Variants in ATG7 observed in about 807,000 individuals in gnomAD.
ATG7 encodes the protein autophagy related 7, also known as ubiquitin-like modifier-activating enzyme ATG7.
A neutral mutation model predicts 82.4 loss-of-function variants in ATG7; 70 were observed. That is an observed-to-expected ratio of 0.85 (90% CI 0.70 to 1.04). The LOEUF (loss-of-function observed/expected upper bound fraction) is 1.04. Among genes scored for constraint, ATG7 ranks in the 50% least tolerant of loss-of-function variants. The pLI is 0.00. For synonymous variants in ATG7, 287 were observed against 313.0 expected (o/e 0.92, Z 0.88); for missense variants, 792 against 864.3 (o/e 0.92, Z 1.05).
At chr3:11,324,834 T>C (rs1343455657) in intron 9 of ATG7, among the ~76,000 whole-genome samples, 1 of 152,126 alleles carries the variant, frequency 6.6e-6, no homozygotes, top group East Asian at 1.9e-4. Context: ...TTTGATAGAC[T>C]AGAACTTATC....
chr3:11,352,255 T>C (rs1295282387), intron 14 of ATG7, among the ~76,000 whole-genome samples: 1 of 152,230 alleles, frequency 6.6e-6, no homozygotes, highest in African/African-American at 2.4e-5. Flanking sequence ...CTATCATTGA[T>C]GGACATTTGG....
chr3:11,498,617 T>G (rs1665188786), intron 20 of ATG7, among the ~76,000 whole-genome samples: 1 of 152,220 alleles, frequency 6.6e-6, no homozygotes, highest in Admixed American at 6.5e-5. Context: ...ACGCCTCAGC[T>G]GGTGCTCCAA....
intron 20 of ATG7, among the ~76,000 whole-genome samples, chr3:11,472,639 T>C (rs1198196849): frequency 6.6e-6 from 1 of 152,182 alleles, no homozygotes; most frequent in Non-Finnish European, 1.5e-5. Context: ...TCTTTTTTGT[T>C]GCTAATACGT....
chr3:11,420,753 CT>C (rs869277638), intron 19 of ATG7, among the ~76,000 whole-genome samples: 9,291 of 125,954 alleles, frequency 0.074, 194 homozygotes, highest in African/African-American at 0.14. Context: ...ATACAAAATA[CT>C]TTTTTTTTTT....
chr3:11,562,650 C>T (rs757453270), downstream of ATG7, among the ~76,000 whole-genome samples: 10 of 152,354 alleles, frequency 6.6e-5, no homozygotes, highest in Admixed American at 2.0e-4. Context: ...GCCTCAGCCC[C>T]GCCACGCTGC....
At chr3:11,510,389 A>G in intron 20 of ATG7, 2 of 411,640 alleles carry the variant, frequency 4.9e-6, no homozygotes, top group Non-Finnish European at 9.6e-6. Flanking sequence ...GTTTAAAAAA[A>G]AAAAAAAATC....
At chr3:11,573,158 T>G in the ATG7 span, among the ~76,000 whole-genome samples, 1 of 147,638 alleles carries the variant, frequency 6.8e-6, no homozygotes, top group South Asian at 2.2e-4. Context: ...AGGGCAAGAC[T>G]CCGTCTCAAG....
At chr3:11,313,455 G>T in intron 8 of ATG7, 35 bp downstream of exon 8, 3 of 1,476,234 alleles carry the variant, frequency 2.0e-6, no homozygotes, top group Non-Finnish European at 2.8e-6. Context: ...CATAAAATTG[G>T]GTTGAATGTG....
intron 20 of ATG7, among the ~76,000 whole-genome samples, chr3:11,438,563 C>G (rs2083576511): frequency 6.9e-6 from 1 of 145,904 alleles, no homozygotes. Context: ...GAGACCTTGT[C>G]TTAACTAAAA....
chr3:11,376,173 C>T (rs775583531), intron 18 of ATG7, among the ~76,000 whole-genome samples: 50 of 152,110 alleles, frequency 3.3e-4, no homozygotes, highest in Non-Finnish European at 4.1e-4. Flanking sequence ...TTAGTGGTTG[C>T]CAGTGTCTGA....
intron 20 of ATG7, among the ~76,000 whole-genome samples, chr3:11,552,280 T>C (rs2125065461): frequency 6.6e-6 from 1 of 152,354 alleles, no homozygotes; most frequent in South Asian, 2.1e-4. Flanking sequence ...TATTGCCAAA[T>C]CTTTTAAAAA....
At position 11,556,762 on chromosome 3, in the gene ATG7, T is replaced by TCAAAATCACCCATATAG; in HGVS notation, c.*1920_*1936dup. 6.5e-6 allele frequency: 1 copy of TCAAAATCACCCATATAG among 152,724 alleles called. No homozygotes were observed. Among genetic ancestry groups the TCAAAATCACCCATATAG allele is most frequent in the Non-Finnish European group, 1.5e-5 (1 of 68,034 alleles). The allele number at this position is 152,724 out of a possible 1,614,324, so 9.5% of individuals were successfully genotyped here. On this transcript the variant is annotated 3_prime_UTR_variant, in exon 21 of 21. Transcript: ENST00000693202. ...CTTTACGCACAGCGTAACGATGGTC[T>TCAAAATCACCCATATAG]CAAAATCACCCATATAGAAAAGTGT...
chr3:11,469,275 C>A (rs2087154496), intron 20 of ATG7, among the ~76,000 whole-genome samples: 1 of 151,982 alleles, frequency 6.6e-6, no homozygotes, highest in African/African-American at 2.4e-5. Flanking sequence ...CATGGAGAAA[C>A]CCCATCTCTA....
chr3:11,393,396 G>A (rs2078969843), intron 19 of ATG7, among the ~76,000 whole-genome samples: 1 of 147,062 alleles, frequency 6.8e-6, no homozygotes, highest in Non-Finnish European at 1.5e-5. Flanking sequence ...CTACCCATAA[G>A]AGGAAGGGAG....
intron 20 of ATG7, among the ~76,000 whole-genome samples, chr3:11,512,501 T>C (rs1056437973): frequency 1.3e-5 from 2 of 152,204 alleles, no homozygotes; most frequent in African/African-American, 4.8e-5. Context: ...TTAGTACTTG[T>C]GTGTACAGAA....
intron 19 of ATG7, among the ~76,000 whole-genome samples, chr3:11,381,797 C>G (rs1391903): frequency 0.83 from 126,037 of 152,190 alleles, 52,388 homozygotes; most frequent in East Asian, 1. Context: ...TTTCTTTTGT[C>G]CTGGAAAGGT....
intron 20 of ATG7, among the ~76,000 whole-genome samples, chr3:11,474,761 A>G (rs887680735): frequency 1.1e-4 from 16 of 152,212 alleles, no homozygotes; most frequent in Non-Finnish European, 1.5e-4. Flanking sequence ...ATGCAAAGAA[A>G]GGAGCCAGAC....
chr3:11,420,574 A>G (rs1222756858), intron 19 of ATG7, among the ~76,000 whole-genome samples: 2 of 152,122 alleles, frequency 1.3e-5, no homozygotes, highest in African/African-American at 2.4e-5. Context: ...ATTTACAGGC[A>G]TATCTTAGAT....
Position 11,372,819 on chromosome 3 carries a change from CGCGTGT to C in ATG7, c.1876-7145_1876-7140del, listed in dbSNP as rs764357306. Among the ~76,000 whole-genome samples, 30 of 80,404 alleles carry C rather than the reference CGCGTGT, an allele frequency of 3.7e-4. 1 individual carries two copies. The highest frequency in any genetic ancestry group is 6.6e-4 in the Non-Finnish European group (22 of 33,088). The allele number at this position is 80,404 out of a possible 152,430, so 52.7% of individuals were successfully genotyped here. A position where few individuals can be genotyped will look rare whatever the true frequency, so the allele number is the denominator to read the frequency against. On this transcript the variant is annotated intron_variant, in intron 18 of 20. Coordinates refer to ENST00000693202, the MANE Select transcript of ATG7 (RefSeq NM_001349232.2). The stretch of plus-strand genomic sequence containing the variant: ...AGGGCTGGGTGTGTGTGTGTGTGCG[CGCGTGT>C]GCGTGTGTGTGCGTGCGTGCGTGTG...
Sources: allele counts gnomAD v4.1 joint callset (sites outside exome capture counted in the v4.1 genomes callset), GRCh38; gene constraint gnomAD v4.1.1; transcripts MANE v1.5; gene names NCBI Gene and HGNC (gene_info 2026-07-23, HGNC 2026-07-21).